Variants in ADAM12 observed in about 807,000 individuals in gnomAD.
ADAM12 encodes disintegrin and metalloproteinase domain-containing protein 12.
In ADAM12, 70 loss-of-function variants were observed where a neutral mutation model predicts 106.4. The observed-to-expected ratio is 0.66, with a 90% CI of 0.54 to 0.80. ADAM12 has a LOEUF of 0.80. Ranked by LOEUF, ADAM12 falls within the 30% of genes least tolerant of loss-of-function variation. The pLI is 0.00. For synonymous variants in ADAM12, 420 were observed against 433.5 expected (o/e 0.97, Z 0.39); for missense variants, 1,010 against 1,171.9 (o/e 0.86, Z 2.02).
chr10:126,218,972 G>A (rs1958039289), intron 3 of ADAM12, among the ~76,000 whole-genome samples: 1 of 152,240 alleles, frequency 6.6e-6, no homozygotes, highest in African/African-American at 2.4e-5. Context: ...CAGACATCAC[G>A]TTGAAGCCTC....
At chr10:126,144,840 A>G (rs1229864101) in intron 4 of ADAM12, among the ~76,000 whole-genome samples, 1 of 152,188 alleles carries the variant, frequency 6.6e-6, no homozygotes, top group Non-Finnish European at 1.5e-5. Flanking sequence ...ACTTCCCCAA[A>G]GCCCCGACTG....
intron 4 of ADAM12, chr10:126,145,646 C>T (rs72631157): frequency 0.056 from 8,538 of 152,166 alleles, 925 homozygotes; most frequent in East Asian, 0.5. Flanking sequence ...TGGGTGTGGC[C>T]GAGTTATTTA....
intron 2 of ADAM12, among the ~76,000 whole-genome samples, chr10:126,311,692 G>C (rs1381933573): frequency 6.6e-6 from 1 of 152,102 alleles, no homozygotes; most frequent in Non-Finnish European, 1.5e-5. Context: ...GAAAAGAGGA[G>C]ATTCAGGTTT....
At chr10:126,140,082 G>A (rs1016259127) in intron 4 of ADAM12, among the ~76,000 whole-genome samples, 1 of 152,204 alleles carries the variant, frequency 6.6e-6, no homozygotes, top group Non-Finnish European at 1.5e-5. Context: ...ACAATGCAGA[G>A]AGTGAAAGGT....
intron 1 of ADAM12, among the ~76,000 whole-genome samples, chr10:126,345,731 T>A (rs1455973232): frequency 1.3e-5 from 2 of 152,222 alleles, no homozygotes; most frequent in African/African-American, 4.8e-5. Context: ...GGGTTTCAAC[T>A]TCTTCCTGGT....
chr10:126,181,434 T>C (rs956141647), intron 3 of ADAM12, among the ~76,000 whole-genome samples: 2 of 152,186 alleles, frequency 1.3e-5, no homozygotes, highest in Admixed American at 6.5e-5. Flanking sequence ...ATTATATTGA[T>C]AGTTTTATAG....
chr10:126,201,112 G>C (rs1957691639), intron 3 of ADAM12, among the ~76,000 whole-genome samples: 1 of 152,170 alleles, frequency 6.6e-6, no homozygotes, highest in African/African-American at 2.4e-5. Flanking sequence ...GAACAACGGA[G>C]TGAGAAAAAG....
At chr10:126,344,697 A>C (rs1353136909) in intron 1 of ADAM12, among the ~76,000 whole-genome samples, 1 of 151,920 alleles carries the variant, frequency 6.6e-6, no homozygotes, top group Non-Finnish European at 1.5e-5. Context: ...CTTTTATTTC[A>C]TTGAGCAGTG....
chr10:126,321,189 A>G (rs945574052), intron 2 of ADAM12, among the ~76,000 whole-genome samples: 1 of 152,222 alleles, frequency 6.6e-6, no homozygotes, highest in African/African-American at 2.4e-5. Context: ...TCAGTCAAAC[A>G]TAAAAAGCAT....
At chr10:126,036,014 A>G in intron 21 of ADAM12, 132 bp downstream of exon 21, 1 of 762,586 alleles carries the variant, frequency 1.3e-6, no homozygotes, top group South Asian at 5.5e-5. Flanking sequence ...TCATTTAACC[A>G]TCTGAGTAGC....
chr10:126,352,755 G>A (rs1004007474), intron 1 of ADAM12, among the ~76,000 whole-genome samples: 3 of 152,220 alleles, frequency 2.0e-5, no homozygotes, highest in African/African-American at 7.2e-5. Context: ...GGGCTGGGTG[G>A]GAAGTGAGCC....
intron 18 of ADAM12, among the ~76,000 whole-genome samples, chr10:126,040,555 C>T (rs1471948036): frequency 6.6e-6 from 1 of 152,198 alleles, no homozygotes; most frequent in Non-Finnish European, 1.5e-5. Context: ...CTAAGCAAGA[C>T]AGCCAACAGA....
rs1428402164 is a variant in ADAM12 at position 126,113,714 on chromosome 10, ATATATATATATATAT to A, written c.604-3889_604-3875del. ...TATATATATATATATATATATATAT[ATATATATATATATAT>A]ATAATATATTGCTCTGGCTACTGGA... On this transcript the variant is annotated intron_variant, in intron 6 of 22. Transcript: ENST00000448723. Among the ~76,000 whole-genome samples the A allele has an allele frequency of 9.2e-5, 8 of 86,492 alleles. No individual in the cohort carries two copies. The South Asian group carries it at 1.4e-3, about 15-fold the overall frequency. 56.7% of individuals were successfully genotyped at this position (86,492 alleles called of 152,430 possible).
intron 3 of ADAM12, among the ~76,000 whole-genome samples, chr10:126,234,148 G>C (rs1221787814): frequency 6.6e-6 from 1 of 152,280 alleles, no homozygotes; most frequent in East Asian, 1.9e-4. Context: ...AACCACCAGG[G>C]AGGAGTTCGA....
At chr10:126,292,950 G>C (rs2133783516) in intron 2 of ADAM12, among the ~76,000 whole-genome samples, 1 of 152,336 alleles carries the variant, frequency 6.6e-6, no homozygotes, top group Non-Finnish European at 1.5e-5. Context: ...CCCACCTCAA[G>C]TTTCCAATTC....
chr10:126,331,446 T>G (rs1854508782), intron 1 of ADAM12, among the ~76,000 whole-genome samples: 1 of 152,200 alleles, frequency 6.6e-6, no homozygotes, highest in Admixed American at 6.5e-5. Flanking sequence ...GGTATTGAAA[T>G]TTTAATCCTA....
At chr10:126,081,841 C>T (rs537732454) in intron 11 of ADAM12, among the ~76,000 whole-genome samples, 4 of 152,286 alleles carry the variant, frequency 2.6e-5, no homozygotes, top group African/African-American at 7.2e-5. Flanking sequence ...GACTGCGAAT[C>T]CCCCCGTATA....
At chr10:126,355,419 G>C (rs562924880) in intron 1 of ADAM12, among the ~76,000 whole-genome samples, 1 of 152,228 alleles carries the variant, frequency 6.6e-6, no homozygotes, top group South Asian at 2.1e-4. Context: ...ATCACCCACA[G>C]AAATTTCAAC....
intron 1 of ADAM12, among the ~76,000 whole-genome samples, chr10:126,354,805 T>C (rs887204911): frequency 8.3e-5 from 12 of 143,840 alleles, no homozygotes; most frequent in African/African-American, 3.0e-4. Flanking sequence ...ACTGCTAAAG[T>C]TTGTTTTTTT....
Sources: allele counts gnomAD v4.1 joint callset (sites outside exome capture counted in the v4.1 genomes callset), GRCh38; gene constraint gnomAD v4.1.1; transcripts MANE v1.5; gene names NCBI Gene and HGNC (gene_info 2026-07-23, HGNC 2026-07-21).